The following RETREG2 variants were observed in gnomAD, a reference collection of about 807,000 sequenced individuals.
The protein encoded by RETREG2 is reticulophagy regulator 2.
A neutral mutation model predicts 51.6 loss-of-function variants in RETREG2; 21 were observed. The ratio of observed to expected loss-of-function variants is 0.41; its 90% CI spans 0.29 to 0.59. The LOEUF is 0.59. Ranked by LOEUF, RETREG2 falls within the 20% of genes least tolerant of loss-of-function variation. The pLI, the probability that RETREG2 is intolerant of heterozygous loss-of-function variation, is 0.34. For missense variants in RETREG2, 674 were observed against 646.0 expected (o/e 1.04, Z -0.47); for synonymous variants, 339 against 288.6 (o/e 1.17, Z -1.77).
rs552087892 is a variant in RETREG2, at chr2:219,182,722, C to T, written c.*93C>T. Reference sequence around the variant, plus strand: ...CTTTGCCTACCACTCTGGGGTGGGGCAGTGTGTGGGGAAGCTGGCTGTCGG... The same window carrying T: ...CTTTGCCTACCACTCTGGGGTGGGGTAGTGTGTGGGGAAGCTGGCTGTCGG... On this transcript the variant is annotated 3_prime_UTR_variant, in exon 9 of 9. Transcript: ENST00000430297. 8 of 1,475,408 alleles carry T rather than the reference C, an allele frequency of 5.4e-6. No individual in the cohort carries two copies. In the African/African-American group the frequency reaches 1.1e-4, roughly 20 times the overall value. The allele number at this position is 1,475,408 out of a possible 1,614,324, so 91.4% of individuals were successfully genotyped here.
rs1950300127 is a variant in RETREG2 at position 219,182,658 on chromosome 2, A to C, written c.*29A>C. On this transcript the variant is annotated 3_prime_UTR_variant, in exon 9 of 9. Transcript: ENST00000430297. ...AGCCGTTGAGGAAGGAGCTGCAGGC[A>C]CAGTAGGGCTTCCTGGCTAGGAGTG... The C allele has an allele frequency of 6.2e-7, 1 of 1,607,904 alleles. No homozygotes were observed. The highest frequency in any genetic ancestry group is 8.5e-7 in the Non-Finnish European group (1 of 1,175,924).
rs771188549 is a variant in RETREG2 at position 219,180,114 on chromosome 2, G to A, written c.424G>A (p.Gly142Ser). 23 of 1,614,008 alleles carry A rather than the reference G, an allele frequency of 1.4e-5. 1 individual carries two copies. In the South Asian group the frequency reaches 2.4e-4, roughly 17 times the overall value. ...SPEEPHSDSE[G>S]AGSGARPHLL... Reference sequence around the variant, plus strand: ...GGTCATGTCATGTCTCCCCAGTGAGGGTGCGGGGTCAGGCGCCCGGCCGCA... The same window carrying A: ...GGTCATGTCATGTCTCCCCAGTGAGAGTGCGGGGTCAGGCGCCCGGCCGCA... The change falls in exon 4 of 9, where the codon GGT becomes AGT. Residue 142 changes from glycine to serine, a missense_variant. Physicochemically the swap from Gly to Ser is moderately conservative, Grantham distance 56. Transcript: ENST00000430297.
rs1950303768 is a variant in RETREG2 at position 219,182,918 on chromosome 2, A to G, written c.*289A>G. 2.2e-6 allele frequency: 1 copy of G among 449,378 alleles called. No homozygotes were observed. Among genetic ancestry groups the G allele is most frequent in the Non-Finnish European group, 4.1e-6 (1 of 245,160 alleles). 27.8% of individuals were successfully genotyped at this position (449,378 alleles called of 1,614,324 possible). Reference sequence around the variant, plus strand: ...CAGCCTGCGCTTGCCTCCCTGCCTCATCTCTATTCTCATTCCACTATGCCC... The same window carrying G: ...CAGCCTGCGCTTGCCTCCCTGCCTCGTCTCTATTCTCATTCCACTATGCCC... On this transcript the variant is annotated 3_prime_UTR_variant, in exon 9 of 9. Transcript: ENST00000430297.
Position 219,181,196 on chromosome 2 carries a change from G to A in RETREG2, c.775G>A (p.Asp259Asn). The A allele has an allele frequency of 1.9e-6, 3 of 1,614,000 alleles. No homozygotes were observed. The highest frequency in any genetic ancestry group is 1.7e-6 in the Non-Finnish European group (2 of 1,179,984). ...AEANALHHKHDKRKRQGKNAP... is the reference protein window; with the variant it reads ...AEANALHHKHNKRKRQGKNAP... ...AGCCAATGCCCTGCATCACAAACAC[G>A]ACAAGAGGAGTAAGGGGCTGCCCTA... The change falls in exon 6 of 9, where the codon GAC becomes AAC. Residue 259 changes from aspartate to asparagine, a missense_variant. Asp to Asn is a conservative substitution (Grantham distance 23). Transcript: ENST00000430297.
intron 4 of RETREG2, 61 bp downstream of exon 4, chr2:219,180,306 G>C: frequency 6.2e-7 from 1 of 1,603,478 alleles, no homozygotes; most frequent in South Asian, 1.1e-5. Context: ...GGTGGCGGGG[G>C]ATGGGAGTGG....
At position 219,182,814 on chromosome 2, in the gene RETREG2, C is replaced by T. The variant is rs1950302565; in HGVS notation, c.*185C>T. 1.5e-6 allele frequency: 1 copy of T among 652,350 alleles called. No individual in the cohort carries two copies. Among genetic ancestry groups the T allele is most frequent in the South Asian group, 2.0e-5 (1 of 50,616 alleles). The allele number at this position is 652,350 out of a possible 1,614,324, so 40.4% of individuals were successfully genotyped here. A position where few individuals can be genotyped will look rare whatever the true frequency, so the allele number is the denominator to read the frequency against. ...TCCTGGGCATGGTGCAGTACCTGTG[C>T]CTAGGATTGGTTTTAAATTTGTAAA... On this transcript the variant is annotated 3_prime_UTR_variant, in exon 9 of 9. Coordinates refer to ENST00000430297, the MANE Select transcript of RETREG2 (RefSeq NM_024293.6).
intron 3 of RETREG2, 40 bp from the exon 4 acceptor site, chr2:219,180,070 G>A (rs1392394800): frequency 6.2e-7 from 1 of 1,610,718 alleles, no homozygotes; most frequent in Non-Finnish European, 8.5e-7. Flanking sequence ...CTAGGAAGCT[G>A]GTATCTGAGG....
At position 219,180,115 on chromosome 2, in the gene RETREG2, G is replaced by T. The variant is rs1559220548; in HGVS notation, c.425G>T (p.Gly142Val). 4 of 1,614,038 alleles carry T rather than the reference G, an allele frequency of 2.5e-6. No individual in the cohort carries two copies. The East Asian group carries it at 8.9e-5, about 36-fold the overall frequency. The stretch of plus-strand genomic sequence containing the variant: ...GTCATGTCATGTCTCCCCAGTGAGG[G>T]TGCGGGGTCAGGCGCCCGGCCGCAC... Reference protein sequence around the residue: ...SPEEPHSDSEGAGSGARPHLL... With the variant: ...SPEEPHSDSEVAGSGARPHLL... The change falls in exon 4 of 9, where the codon GGT becomes GTT. Residue 142 changes from glycine to valine, a missense_variant. Transcript: ENST00000430297.
chr2:219,182,175 C>A lies in RETREG2; in HGVS notation c.1178C>A (p.Ala393Glu). ...LDSEEEEEDV[A>E]AKETLLRLSS... ...TCGGAGGAAGAGGAAGAGGATGTGGCAGCTAAGGAAACCTTGTTGCGGCTC... is the reference window on the plus strand; with the variant it reads ...TCGGAGGAAGAGGAAGAGGATGTGGAAGCTAAGGAAACCTTGTTGCGGCTC... The change falls in exon 9 of 9, where the codon GCA (alanine) becomes GAA (glutamate). Residue 393 changes from alanine (A) to glutamate (E), a missense_variant. Coordinates refer to ENST00000430297, the MANE Select transcript of RETREG2 (RefSeq NM_024293.6). 2 of 1,613,568 alleles carry A rather than the reference C, an allele frequency of 1.2e-6. No homozygotes were observed. Among genetic ancestry groups the A allele is most frequent in the African/African-American group, 2.7e-5 (2 of 74,454 alleles).
intron 8 of RETREG2, 40 bp from the exon 9 acceptor site, chr2:219,181,973 C>T (rs372045667): frequency 6.2e-7 from 1 of 1,601,598 alleles, no homozygotes; most frequent in African/African-American, 1.3e-5. Context: ...CTAATCAGAC[C>T]AGCAGCAGGC....
chr2:219,180,607 T>TA (rs1950264204), intron 4 of RETREG2, 63 bp from the exon 5 acceptor site: 1 of 1,612,098 alleles, frequency 6.2e-7, no homozygotes, highest in Admixed American at 1.7e-5. Context: ...AGTAGTTTCT[T>TA]ACCCAGCCGA....
At position 219,183,807 on chromosome 2, in the gene RETREG2, T is replaced by A. The variant is rs186369696; in HGVS notation, c.*1178T>A. Reference sequence around the variant, plus strand: ...ATGTGGCCTACAACCTTAACACTGCTTTCTTAAGAAGTCTTCACCCATCTA... The same window carrying A: ...ATGTGGCCTACAACCTTAACACTGCATTCTTAAGAAGTCTTCACCCATCTA... On this transcript the variant is annotated 3_prime_UTR_variant, in exon 9 of 9. Coordinates refer to ENST00000430297, the MANE Select transcript of RETREG2 (RefSeq NM_024293.6). 1 of 152,348 alleles carries A rather than the reference T, an allele frequency of 6.6e-6. No homozygotes were observed. Among genetic ancestry groups the A allele is most frequent in the East Asian group, 1.9e-4 (1 of 5,194 alleles). The allele number at this position is 152,348 out of a possible 1,614,324, so 9.4% of individuals were successfully genotyped here. A position where few individuals can be genotyped will look rare whatever the true frequency, so the allele number is the denominator to read the frequency against.
rs3731901 is a variant in RETREG2 at position 219,182,671 on chromosome 2, C to T, written c.*42C>T. 0.59 allele frequency: 939,637 copies of T among 1,599,050 alleles called. 284,476 individuals are homozygous for T. The highest frequency in any genetic ancestry group is 0.62 in the Non-Finnish European group (730,755 of 1,170,870). ...GGAGCTGCAGGCACAGTAGGGCTTC[C>T]TGGCTAGGAGTGTTGCTGTTTCCTC... On this transcript the variant is annotated 3_prime_UTR_variant, in exon 9 of 9. Transcript: ENST00000430297.
chr2:219,180,698 C>G lies in RETREG2; in HGVS notation c.584C>G (p.Ala195Gly), dbSNP rs759323078. The stretch of plus-strand genomic sequence containing the variant: ...TGCGTTCGAGTCTGCTCTGGCTGTG[C>G]TGTGTTGGCTGTGTTGGGACACTAT... ...QFCVRVCSGC[A>G]VLAVLGHYVP... The change falls in exon 5 of 9, where the codon GCT (alanine) becomes GGT (glycine). Residue 195 changes from alanine to glycine, a missense_variant. Transcript: ENST00000430297. 6.2e-7 allele frequency: 1 copy of G among 1,613,594 alleles called. No homozygotes were observed. Among genetic ancestry groups the G allele is most frequent in the South Asian group, 1.1e-5 (1 of 91,068 alleles).
chr2:219,181,329 TTCATGCTTGG>T (rs1950275786), intron 6 of RETREG2, 30 bp from the exon 7 acceptor site: 1 of 1,609,900 alleles, frequency 6.2e-7, no homozygotes, highest in Admixed American at 1.7e-5. Context: ...CCTCCCATCA[TTCATGCTTGG>T]TCATTGCTCT....
intron 7 of RETREG2, 51 bp downstream of exon 7, chr2:219,181,514 C>T: frequency 5.6e-6 from 9 of 1,608,554 alleles, no homozygotes; most frequent in Non-Finnish European, 7.7e-6. Flanking sequence ...GAGGAAAAAT[C>T]TTTCTGCTTT....
chr2:219,179,175 A>C, intron 2 of RETREG2, 147 bp downstream of exon 2: 1 of 713,596 alleles, frequency 1.4e-6, no homozygotes, highest in Non-Finnish European at 2.5e-6. Context: ...GAATTCCCTA[A>C]AATGAGAATT....
intron 1 of RETREG2, 142 bp from the exon 2 acceptor site, chr2:219,178,780 T>A (rs1950228995): frequency 1.7e-6 from 2 of 1,160,666 alleles, no homozygotes; most frequent in African/African-American, 1.6e-5. Context: ...GAATTGCCCA[T>A]TTTTTTCTAT....
rs543410503 is a variant in RETREG2, at chr2:219,178,626, C to G, written c.274C>G (p.Leu92Val). 9.7e-5 allele frequency: 141 copies of G among 1,453,018 alleles called. No individual in the cohort carries two copies. The African/African-American group carries it at 1.6e-3, about 16-fold the overall frequency. 90.0% of individuals were successfully genotyped at this position (1,453,018 alleles called of 1,614,324 possible). ...GGTCACGGCGGCCGCGCTCAACGGCCTCTTCTGGTAACGGCCGCGGAGGAG... is the reference window on the plus strand; with the variant it reads ...GGTCACGGCGGCCGCGCTCAACGGCGTCTTCTGGTAACGGCCGCGGAGGAG... ...SLVTAAALNGLFWLLSSSSLR... is the reference protein window; with the variant it reads ...SLVTAAALNGVFWLLSSSSLR... The change falls in exon 1 of 9, where the codon CTC (leucine) becomes GTC (valine). Residue 92 changes from leucine to valine, a missense_variant. Coordinates refer to ENST00000430297, the MANE Select transcript of RETREG2 (RefSeq NM_024293.6).
Sources: allele counts gnomAD v4.1 joint callset, GRCh38; gene constraint gnomAD v4.1.1; transcripts MANE v1.5; gene names NCBI Gene and HGNC (gene_info 2026-07-23, HGNC 2026-07-21).